Variants in MTUS2 observed in about 807,000 individuals in gnomAD.
MTUS2 encodes the protein microtubule-associated tumor suppressor candidate 2.
Under a neutral mutation model 114.1 loss-of-function variants are expected in MTUS2, and 40 were observed. The observed-to-expected ratio is 0.35, with a 90% CI of 0.27 to 0.46. MTUS2 has a LOEUF of 0.46. Ranked by LOEUF, MTUS2 falls within the 20% of genes least tolerant of loss-of-function variation. The probability of loss-of-function intolerance (pLI) is 1.00; values close to 1 mark genes in which losing one functional copy is unlikely to be tolerated. For synonymous variants in MTUS2, 688 were observed against 672.0 expected (o/e 1.02, Z -0.37); for missense variants, 1,679 against 1,705.4 (o/e 0.98, Z 0.27).
At chr13:29,136,143 T>C (rs1891968170) in intron 5 of MTUS2, among the ~76,000 whole-genome samples, 2 of 152,248 alleles carry the variant, frequency 1.3e-5, no homozygotes, top group Admixed American at 1.3e-4. Context: ...TACTGTCTAA[T>C]GTCCTTTCGT....
chr13:29,067,675 A>AGTTTCATTTTAT (rs1198388959), intron 4 of MTUS2, among the ~76,000 whole-genome samples: 1 of 152,132 alleles, frequency 6.6e-6, no homozygotes, highest in Non-Finnish European at 1.5e-5. Context: ...AGAAGAGTTG[A>AGTTTCATTTTAT]GTTTCATTTT....
At chr13:29,076,536 C>T (rs1013641739) in intron 4 of MTUS2, among the ~76,000 whole-genome samples, 2 of 152,054 alleles carry the variant, frequency 1.3e-5, no homozygotes, top group Admixed American at 1.3e-4. Context: ...GATGGAGAAC[C>T]CTTTTCTGAG....
Position 29,307,034 on chromosome 13 carries a change from A to T in MTUS2, c.2807-17579A>T, listed in dbSNP as rs117081748. On this transcript the variant is annotated intron_variant, in intron 6 of 15. Transcript: ENST00000612955. ...CAGGAGCGAGATCCCTCCAAAATCA[A>T]ATGGGGTGATGCTGGCACTGAGTAC... 194 of 522,732 alleles carry T rather than the reference A, an allele frequency of 3.7e-4. 1 individual carries two copies. The East Asian group carries it at 8.2e-3, about 22-fold the overall frequency. 32.4% of individuals were successfully genotyped at this position (522,732 alleles called of 1,614,324 possible).
chr13:28,975,304 C>T (rs1192966965), intron 2 of MTUS2, among the ~76,000 whole-genome samples: 1 of 152,224 alleles, frequency 6.6e-6, no homozygotes, highest in African/African-American at 2.4e-5. Flanking sequence ...GTTCTCCCTG[C>T]TTCCCGACTT....
intron 5 of MTUS2, among the ~76,000 whole-genome samples, chr13:29,218,344 C>T (rs192910174): frequency 7.1e-4 from 108 of 152,326 alleles, no homozygotes; most frequent in Middle Eastern, 3.4e-3. Flanking sequence ...TTCTACCACA[C>T]ACAGTGACTT....
chr13:28,931,761 G>A (rs1881630255), intron 2 of MTUS2, among the ~76,000 whole-genome samples: 1 of 152,062 alleles, frequency 6.6e-6, no homozygotes, highest in African/African-American at 2.4e-5. Context: ...CATGTGCCAT[G>A]TTGGTGTGCT....
At chr13:29,203,834 T>G (rs1186473185) in intron 5 of MTUS2, among the ~76,000 whole-genome samples, 1 of 152,034 alleles carries the variant, frequency 6.6e-6, no homozygotes, top group Non-Finnish European at 1.5e-5. Context: ...CTGCTTCATC[T>G]CACCCCCCAT....
chr13:29,470,177 A>G (rs1475109605), intron 9 of MTUS2, among the ~76,000 whole-genome samples: 1 of 152,218 alleles, frequency 6.6e-6, no homozygotes, highest in Non-Finnish European at 1.5e-5. Flanking sequence ...TTTAATAACT[A>G]GAGTCCATCC....
chr13:28,914,303 C>A (rs993471055), intron 2 of MTUS2, among the ~76,000 whole-genome samples: 2 of 152,038 alleles, frequency 1.3e-5, no homozygotes, highest in Non-Finnish European at 2.9e-5. Context: ...TCTGTTTGTT[C>A]TCATTAGTTT....
intron 2 of MTUS2, among the ~76,000 whole-genome samples, chr13:28,969,190 A>G (rs1431746192): frequency 6.6e-6 from 1 of 151,770 alleles, no homozygotes; most frequent in African/African-American, 2.4e-5. Context: ...CACAGGTGCA[A>G]GCTACCGTGC....
chr13:29,215,249 A>G (rs546933838), intron 5 of MTUS2, among the ~76,000 whole-genome samples: 59 of 151,966 alleles, frequency 3.9e-4, no homozygotes, highest in African/African-American at 1.3e-3. Context: ...GTTGTTCTAT[A>G]TAGCAGTTCC....
intron 5 of MTUS2, among the ~76,000 whole-genome samples, chr13:29,116,439 C>T (rs1463419473): frequency 6.6e-6 from 1 of 152,104 alleles, no homozygotes; most frequent in Non-Finnish European, 1.5e-5. Flanking sequence ...ATCAATTCTT[C>T]CTTATCCATT....
At chr13:29,078,985 G>T (rs2138720705) in intron 4 of MTUS2, among the ~76,000 whole-genome samples, 1 of 152,314 alleles carries the variant, frequency 6.6e-6, no homozygotes, top group South Asian at 2.1e-4. Flanking sequence ...AATCTTCCAA[G>T]AAACTGCCAG....
rs546469233 is a variant in MTUS2 at position 29,165,330 on chromosome 13, G to A, written c.2644+64360G>A. Among the ~76,000 whole-genome samples, 7 of 152,102 alleles carry A rather than the reference G, an allele frequency of 4.6e-5. No individual in the cohort carries two copies. The South Asian group carries it at 8.3e-4, about 18-fold the overall frequency. On this transcript the variant is annotated intron_variant, in intron 5 of 15. Coordinates refer to ENST00000612955, the MANE Select transcript of MTUS2 (RefSeq NM_001033602.4). ...GACCTTCTTAACTAGATAAACCTTC[G>A]CCACCATCTCACCACACGTAACACC...
chr13:29,150,023 T>C (rs1309487251), intron 5 of MTUS2, among the ~76,000 whole-genome samples: 1 of 152,200 alleles, frequency 6.6e-6, no homozygotes, highest in Non-Finnish European at 1.5e-5. Flanking sequence ...TCATATTAAT[T>C]TTAAAATAGT....
At chr13:29,289,347 G>A (rs181095867) in intron 6 of MTUS2, among the ~76,000 whole-genome samples, 42 of 152,232 alleles carry the variant, frequency 2.8e-4, no homozygotes, top group Non-Finnish European at 5.1e-4. Flanking sequence ...TCAACATTAA[G>A]GAATCTTTTC....
At chr13:29,391,827 T>TCATC (rs1235434095) in intron 8 of MTUS2, among the ~76,000 whole-genome samples, 1 of 152,094 alleles carries the variant, frequency 6.6e-6, no homozygotes, top group African/African-American at 2.4e-5. Flanking sequence ...GTTGTCACCA[T>TCATC]CATCCATCTT....
At chr13:28,823,682 G>A (rs547002811) in intron 1 of MTUS2, among the ~76,000 whole-genome samples, 2 of 152,236 alleles carry the variant, frequency 1.3e-5, no homozygotes, top group South Asian at 2.1e-4. Flanking sequence ...ACCCTCCAAC[G>A]GATTTGAAAA....
chr13:29,213,494 CT>C (rs1345233744), intron 5 of MTUS2, among the ~76,000 whole-genome samples: 3 of 152,160 alleles, frequency 2.0e-5, no homozygotes, highest in Admixed American at 6.5e-5. Context: ...CTTTATCAGC[CT>C]TTCCTCCATA....
Sources: allele counts gnomAD v4.1 joint callset (sites outside exome capture counted in the v4.1 genomes callset), GRCh38; gene constraint gnomAD v4.1.1; transcripts MANE v1.5; gene names NCBI Gene and HGNC (gene_info 2026-07-23, HGNC 2026-07-21).